Variants in ST6GALNAC3 observed in about 807,000 individuals in gnomAD.
ST6GALNAC3 encodes the protein ST6 N-acetylgalactosaminide alpha-2,6-sialyltransferase 3, also known as alpha-N-acetylgalactosaminide alpha-2,6-sialyltransferase 3.
Under a neutral mutation model 32.7 loss-of-function variants are expected in ST6GALNAC3, and 25 were observed. That is an observed-to-expected ratio of 0.76 (90% confidence interval 0.56 to 1.07). ST6GALNAC3 has a LOEUF of 1.07. ST6GALNAC3 is among the 50% of genes least tolerant of loss of function. The pLI is 0.00. For synonymous variants in ST6GALNAC3, 129 were observed against 133.1 expected, an observed-to-expected ratio of 0.97 and a Z score of 0.21; for missense variants, 355 against 382.4, an observed-to-expected ratio of 0.93 and a Z score of 0.60.
rs575481791 is a variant in ST6GALNAC3, at chr1:76,238,842, A to AT, written c.19-74955dup. ...CTATACTTACTGACAACGTCTAGGG[A>AT]TTTTTTTTGGTTCACAATTTTTATT... On this transcript the variant is annotated intron_variant, in intron 1 of 4. Coordinates refer to ENST00000328299, the MANE Select transcript of ST6GALNAC3 (RefSeq NM_152996.4). Among the ~76,000 whole-genome samples, 257 of 150,762 alleles carry AT rather than the reference A, an allele frequency of 1.7e-3. 1 individual carries two copies. The highest frequency in any genetic ancestry group is 3.0e-3 in the Non-Finnish European group (205 of 67,704).
downstream of ST6GALNAC3, among the ~76,000 whole-genome samples, chr1:76,634,859 C>T (rs1649464845): frequency 1.7e-5 from 1 of 58,236 alleles, no homozygotes; most frequent in Non-Finnish European, 3.3e-5. Context: ...GCCACTACGC[C>T]CGGCTAATTT....
At chr1:76,537,740 C>T (rs1463229189) in intron 3 of ST6GALNAC3, among the ~76,000 whole-genome samples, 1 of 152,108 alleles carries the variant, frequency 6.6e-6, no homozygotes, top group Non-Finnish European at 1.5e-5. Flanking sequence ...CTATAAATAC[C>T]TCTGTGCAAA....
rs79288430 is a variant in ST6GALNAC3, at chr1:76,204,496, G to A, written c.19-109309G>A. On this transcript the variant is annotated intron_variant, in intron 1 of 4. Coordinates refer to ENST00000328299, the MANE Select transcript of ST6GALNAC3 (RefSeq NM_152996.4). ...TGCAGAGGGGAGTTGGGTGGAACTGGGTGCTCTGGGAGTACTCTGATGGTA... is the reference window on the plus strand; with the variant it reads ...TGCAGAGGGGAGTTGGGTGGAACTGAGTGCTCTGGGAGTACTCTGATGGTA... 3.0e-3 allele frequency among the ~76,000 whole-genome samples: 461 copies of A among 152,216 alleles called. 6 individuals are homozygous for A. In the East Asian group the frequency reaches 0.045, roughly 15 times the overall value.
intron 1 of ST6GALNAC3, among the ~76,000 whole-genome samples, chr1:76,203,099 T>C (rs1654625075): frequency 6.6e-6 from 1 of 152,240 alleles, no homozygotes; most frequent in Admixed American, 6.5e-5. Flanking sequence ...AGTTCTGGGC[T>C]AGGTCCTAGG....
chr1:76,223,480 A>C (rs1165804619), intron 1 of ST6GALNAC3, among the ~76,000 whole-genome samples: 1 of 152,124 alleles, frequency 6.6e-6, no homozygotes, highest in Non-Finnish European at 1.5e-5. Context: ...CTGGATGATG[A>C]AATAATCTGT....
At chr1:76,128,595 C>T (rs1412494379) in intron 1 of ST6GALNAC3, among the ~76,000 whole-genome samples, 1 of 152,130 alleles carries the variant, frequency 6.6e-6, no homozygotes, top group Non-Finnish European at 1.5e-5. Context: ...CATCAAGATG[C>T]CAGGACAAAA....
chr1:76,412,910 C>A, intron 3 of ST6GALNAC3: 1 of 256,732 alleles, frequency 3.9e-6, no homozygotes, highest in Non-Finnish European at 7.8e-6. Context: ...TCCTGAACAT[C>A]ATAACTTGGT....
At chr1:76,499,382 A>T (rs751098078) in intron 3 of ST6GALNAC3, among the ~76,000 whole-genome samples, 1 of 152,218 alleles carries the variant, frequency 6.6e-6, no homozygotes, top group Non-Finnish European at 1.5e-5. Flanking sequence ...TACAGGATAA[A>T]GCACTTATCA....
intron 3 of ST6GALNAC3, among the ~76,000 whole-genome samples, chr1:76,578,906 A>G (rs796888184): frequency 6.6e-6 from 1 of 152,038 alleles, no homozygotes; most frequent in Non-Finnish European, 1.5e-5. Flanking sequence ...ACCTATGCAT[A>G]CACAAATTTG....
intron 2 of ST6GALNAC3, among the ~76,000 whole-genome samples, chr1:76,403,323 G>A (rs1653572068): frequency 1.3e-5 from 2 of 152,020 alleles, no homozygotes; most frequent in African/African-American, 4.8e-5. Context: ...TGACTTCTAG[G>A]GCTGACTTCA....
chr1:76,144,711 C>CTA (rs1650567246), intron 1 of ST6GALNAC3, among the ~76,000 whole-genome samples: 1 of 152,192 alleles, frequency 6.6e-6, no homozygotes, highest in Non-Finnish European at 1.5e-5. Context: ...GTGAAGCAAA[C>CTA]TAGTCTATAG....
intron 3 of ST6GALNAC3, among the ~76,000 whole-genome samples, chr1:76,562,333 G>A (rs2100435715): frequency 6.6e-6 from 1 of 152,320 alleles, no homozygotes; most frequent in South Asian, 2.1e-4. Flanking sequence ...GTAAGAAGCT[G>A]AGATGATAGA....
At chr1:76,086,820 T>C (rs1646971379) in intron 1 of ST6GALNAC3, among the ~76,000 whole-genome samples, 1 of 152,178 alleles carries the variant, frequency 6.6e-6, no homozygotes, top group African/African-American at 2.4e-5. Context: ...CACCATGTCA[T>C]CCCTCACACC....
chr1:76,548,417 AG>A (rs1664424876), intron 3 of ST6GALNAC3, among the ~76,000 whole-genome samples: 1 of 152,202 alleles, frequency 6.6e-6, no homozygotes. Flanking sequence ...GTCAAGGACC[AG>A]GCAGCCTTCT....
At chr1:76,504,212 G>A (rs1038694791) in intron 3 of ST6GALNAC3, among the ~76,000 whole-genome samples, 3 of 152,108 alleles carry the variant, frequency 2.0e-5, no homozygotes, top group Non-Finnish European at 2.9e-5. Context: ...GACTACACCT[G>A]GCATTCCTTG....
At chr1:76,454,799 C>G (rs1419307385) in intron 3 of ST6GALNAC3, among the ~76,000 whole-genome samples, 1 of 152,106 alleles carries the variant, frequency 6.6e-6, no homozygotes, top group Non-Finnish European at 1.5e-5. Flanking sequence ...CTCAGGTCTT[C>G]TTTTAAACTG....
intron 3 of ST6GALNAC3, among the ~76,000 whole-genome samples, chr1:76,599,598 C>T (rs763366926): frequency 1.3e-5 from 2 of 152,050 alleles, no homozygotes; most frequent in Non-Finnish European, 2.9e-5. Flanking sequence ...GAGCAAAGTG[C>T]TGTGTCTACA....
intron 1 of ST6GALNAC3, among the ~76,000 whole-genome samples, chr1:76,203,000 GT>G (rs962620172): frequency 6.6e-6 from 1 of 152,186 alleles, no homozygotes; most frequent in Non-Finnish European, 1.5e-5. Context: ...TGATTAATTT[GT>G]GGGGAGTTGC....
At chr1:76,265,923 A>G (rs189033416) in intron 1 of ST6GALNAC3, among the ~76,000 whole-genome samples, 114 of 152,250 alleles carry the variant, frequency 7.5e-4, no homozygotes, top group African/African-American at 2.6e-3. Context: ...ACTGGTTAGG[A>G]CCTAGGAATC....
Sources: allele counts gnomAD v4.1 joint callset (sites outside exome capture counted in the v4.1 genomes callset), GRCh38; gene constraint gnomAD v4.1.1; transcripts MANE v1.5; gene names NCBI Gene and HGNC (gene_info 2026-07-23, HGNC 2026-07-21).